The following WDFY1 variants were observed in gnomAD, a reference collection of about 807,000 sequenced individuals.
WDFY1 encodes the protein WD repeat and FYVE domain containing 1, also known as WD repeat and FYVE domain-containing protein 1.
In WDFY1, 32 loss-of-function variants were observed where a neutral mutation model predicts 56.4. That is an observed-to-expected ratio of 0.57 (90% CI 0.43 to 0.76). The LOEUF is 0.76. WDFY1 is among the 30% of genes least tolerant of loss of function. The pLI, the probability that WDFY1 is intolerant of heterozygous loss-of-function variation, is 0.00. For missense variants in WDFY1, 480 were observed against 545.7 expected, an observed-to-expected ratio of 0.88 and a Z score of 1.20; for synonymous variants, 192 against 197.3, an observed-to-expected ratio of 0.97 and a Z score of 0.23.
intron 1 of WDFY1, among the ~76,000 whole-genome samples, chr2:223,944,366 G>A (rs550502742): frequency 1.3e-5 from 2 of 152,398 alleles, no homozygotes; most frequent in African/African-American, 4.8e-5. Flanking sequence ...CCGCCAGGGA[G>A]AGAGACCGGG....
At chr2:223,922,506 G>A (rs950312388) in intron 1 of WDFY1, among the ~76,000 whole-genome samples, 19 of 152,208 alleles carry the variant, frequency 1.2e-4, no homozygotes, top group African/African-American at 4.6e-4. Context: ...TGGAGATCAA[G>A]GATTCATGCA....
chr2:223,903,674 A>T, intron 4 of WDFY1, among the ~76,000 whole-genome samples: 1 of 149,108 alleles, frequency 6.7e-6, no homozygotes, highest in Non-Finnish European at 1.5e-5. Flanking sequence ...AAAAAGGGAC[A>T]GGATCTCACT....
chr2:223,884,859 CTTTTT>C, intron 8 of WDFY1, 110 bp from the exon 9 acceptor site: 10 of 689,192 alleles, frequency 1.5e-5, no homozygotes, highest in East Asian at 9.8e-5. Flanking sequence ...TTCTTTTCTT[CTTTTT>C]TTTTTTTTTT....
chr2:223,915,269 G>A (rs1693768734), intron 2 of WDFY1, among the ~76,000 whole-genome samples: 1 of 152,232 alleles, frequency 6.6e-6, no homozygotes, highest in Non-Finnish European at 1.5e-5. Flanking sequence ...CCACTGCGAA[G>A]CTGTGTCTGT....
At position 223,939,746 on chromosome 2, in the gene WDFY1, T is replaced by C. The variant is rs562245583; in HGVS notation, c.137+5402A>G. ...CCCACTGGGTCCCTCCCACAACACA[T>C]GGGAATTATGGGAGCTACAATTCAA... On this transcript the variant is annotated intron_variant, in intron 1 of 11. Coordinates refer to ENST00000233055, the MANE Select transcript of WDFY1 (RefSeq NM_020830.5). Among the ~76,000 whole-genome samples, 4 of 152,168 alleles carry C rather than the reference T, an allele frequency of 2.6e-5. 1 individual carries two copies. Among genetic ancestry groups the C allele is most frequent in the African/African-American group, 9.6e-5 (4 of 41,498 alleles).
At chr2:223,914,730 T>C (rs1489453383) in intron 2 of WDFY1, among the ~76,000 whole-genome samples, 3 of 152,212 alleles carry the variant, frequency 2.0e-5, no homozygotes. Flanking sequence ...ATTCACAAAA[T>C]GGTAAAAATA....
chr2:223,892,027 C>A (rs189248101), intron 8 of WDFY1, among the ~76,000 whole-genome samples: 1 of 152,198 alleles, frequency 6.6e-6, no homozygotes, highest in South Asian at 2.1e-4. Context: ...CAGGTTGGAG[C>A]GCAGTGGTGC....
intron 1 of WDFY1, among the ~76,000 whole-genome samples, chr2:223,935,528 A>G (rs545056224): frequency 1.3e-5 from 2 of 152,348 alleles, no homozygotes; most frequent in South Asian, 2.1e-4. Flanking sequence ...AGAAACAAGT[A>G]TCATTCATTA....
intron 10 of WDFY1, among the ~76,000 whole-genome samples, chr2:223,881,045 C>T (rs367944962): frequency 6.6e-6 from 1 of 152,202 alleles, no homozygotes; most frequent in East Asian, 1.9e-4. Context: ...GCCTCTGCTG[C>T]TTTAAAAGAT....
intron 7 of WDFY1, 145 bp from the exon 8 acceptor site, chr2:223,894,484 G>C (rs1693328333): frequency 1.4e-6 from 1 of 723,194 alleles, no homozygotes; most frequent in Non-Finnish European, 2.4e-6. Context: ...ATGAATTCTA[G>C]TATAAACTTT....
intron 5 of WDFY1, chr2:223,899,350 C>G (rs1016937779): frequency 6.5e-6 from 2 of 306,660 alleles, no homozygotes; most frequent in Non-Finnish European, 1.2e-5. Flanking sequence ...CTATATCAAG[C>G]AAGATCCCAG....
chr2:223,891,983 T>A (rs562270481), intron 8 of WDFY1, among the ~76,000 whole-genome samples: 1 of 152,098 alleles, frequency 6.6e-6, no homozygotes, highest in Non-Finnish European at 1.5e-5. Context: ...TATATATATA[T>A]ACATATTTTT....
At chr2:223,884,497 C>T (rs1216174420) in intron 9 of WDFY1, 151 bp downstream of exon 9, 1 of 737,670 alleles carries the variant, frequency 1.4e-6, no homozygotes, top group Non-Finnish European at 2.3e-6. Flanking sequence ...AGGTCTTCCT[C>T]ATTGTTAGTC....
chr2:223,934,254 A>G (rs991969043), intron 1 of WDFY1, among the ~76,000 whole-genome samples: 3 of 151,678 alleles, frequency 2.0e-5, no homozygotes, highest in Admixed American at 6.6e-5. Context: ...TCACCCAGCT[A>G]ATTTTTGTAT....
At chr2:223,937,398 C>T (rs1468393917) in intron 1 of WDFY1, among the ~76,000 whole-genome samples, 1 of 152,154 alleles carries the variant, frequency 6.6e-6, no homozygotes, top group African/African-American at 2.4e-5. Context: ...CTGTCCCAGT[C>T]TTTAAGATTA....
In WDFY1 at chr2:223,876,861, T is replaced by C. The variant is rs59159706; in HGVS notation, c.*1810A>G. ...TAAAATCCCTAGGATAGCACCTTTGTATGGGCTGAACCATTAACTGAACTA... is the reference window on the plus strand; with the variant it reads ...TAAAATCCCTAGGATAGCACCTTTGCATGGGCTGAACCATTAACTGAACTA... On this transcript the variant is annotated 3_prime_UTR_variant, in exon 12 of 12. Coordinates refer to ENST00000233055, the MANE Select transcript of WDFY1 (RefSeq NM_020830.5). The C allele has an allele frequency of 6.6e-6, 1 of 152,342 alleles. No individual in the cohort carries two copies. The highest frequency in any genetic ancestry group is 2.4e-5 in the African/African-American group (1 of 41,572). 9.4% of individuals were successfully genotyped at this position (152,342 alleles called of 1,614,324 possible). A position where few individuals can be genotyped will look rare whatever the true frequency, so the allele number is the denominator to read the frequency against.
At chr2:223,894,131 T>G in intron 8 of WDFY1, 103 bp downstream of exon 8, 5 of 1,123,892 alleles carry the variant, frequency 4.4e-6, no homozygotes, top group Non-Finnish European at 6.5e-6. Context: ...TGGGACTGTC[T>G]GCACCTGGAC....
At chr2:223,917,810 G>A (rs1693814079) in intron 2 of WDFY1, 133 bp downstream of exon 2, 1 of 916,456 alleles carries the variant, frequency 1.1e-6, no homozygotes, top group Non-Finnish European at 1.6e-6. Flanking sequence ...GACCCCAGGT[G>A]ATCTACCCGC....
At chr2:223,926,519 G>GA (rs1347809761) in intron 1 of WDFY1, among the ~76,000 whole-genome samples, 2 of 151,722 alleles carry the variant, frequency 1.3e-5, no homozygotes, top group African/African-American at 4.9e-5. Context: ...TAGCAGGCAT[G>GA]AAAAACAACA....
Sources: allele counts gnomAD v4.1 joint callset (sites outside exome capture counted in the v4.1 genomes callset), GRCh38; gene constraint gnomAD v4.1.1; transcripts MANE v1.5; gene names NCBI Gene and HGNC (gene_info 2026-07-23, HGNC 2026-07-21).